Variants in MGAT4C observed in about 807,000 individuals in gnomAD.
MGAT4C encodes MGAT4 family member C.
Under a neutral mutation model 40.1 loss-of-function variants are expected in MGAT4C, and 19 were observed. The ratio of observed to expected loss-of-function variants is 0.47; its 90% confidence interval spans 0.33 to 0.70. The LOEUF is 0.70. Ranked by LOEUF, MGAT4C falls within the 30% of genes least tolerant of loss-of-function variation. The pLI is 0.02. For synonymous variants in MGAT4C, 181 were observed against 187.1 expected (o/e 0.97, Z 0.27); for missense variants, 491 against 563.2 (o/e 0.87, Z 1.30).
chr12:86,755,493 T>A (rs1951287444), intron 1 of MGAT4C, among the ~76,000 whole-genome samples: 1 of 152,136 alleles, frequency 6.6e-6, no homozygotes, highest in African/African-American at 2.4e-5. Context: ...GCACTCTAAT[T>A]TTCTCACCCC....
intron 1 of MGAT4C, among the ~76,000 whole-genome samples, chr12:86,191,705 T>G (rs2135903497): frequency 7.2e-6 from 1 of 138,972 alleles, no homozygotes; most frequent in Admixed American, 7.2e-5. Flanking sequence ...TTCAGCTACT[T>G]ACAGGATAAG....
chr12:86,509,784 G>T (rs895078268), intron 2 of MGAT4C, among the ~76,000 whole-genome samples: 1 of 152,116 alleles, frequency 6.6e-6, no homozygotes, highest in Non-Finnish European at 1.5e-5. Context: ...CACATCCCTT[G>T]TAAGTTGGAT....
At chr12:86,743,115 CAT>C (rs1491396747) in intron 1 of MGAT4C, among the ~76,000 whole-genome samples, 7 of 109,248 alleles carry the variant, frequency 6.4e-5, no homozygotes, top group African/African-American at 2.3e-4. Context: ...TGTGTGTATG[CAT>C]GTGTGTGTGT....
chr12:86,210,711 T>C (rs929334766), intron 1 of MGAT4C, among the ~76,000 whole-genome samples: 13 of 152,242 alleles, frequency 8.5e-5, no homozygotes, highest in Admixed American at 6.5e-4. Flanking sequence ...TTGCATTTAA[T>C]TGGAATTAAT....
chr12:86,770,163 G>A (rs1298843313), intron 1 of MGAT4C, among the ~76,000 whole-genome samples: 6 of 151,732 alleles, frequency 4.0e-5, no homozygotes, highest in East Asian at 3.9e-4. Context: ...TTCATAGAAC[G>A]TTAGTATTCT....
At position 86,058,825 on chromosome 12, in the gene MGAT4C, A is replaced by C. The variant is rs1893652857; in HGVS notation, c.-56-9102T>G. ...TATTTTATTTATCTTTTAGATGTAA[A>C]AATGTCTTGTTTTTTTCAAGACATT... On this transcript the variant is annotated intron_variant, in intron 1 of 4. Transcript: ENST00000611864. Among the ~76,000 whole-genome samples, 4 of 152,276 alleles carry C rather than the reference A, an allele frequency of 2.6e-5. No individual in the cohort carries two copies. In the South Asian group the frequency reaches 8.3e-4, roughly 32 times the overall value.
At chr12:86,490,618 C>T (rs1050149794) in intron 2 of MGAT4C, among the ~76,000 whole-genome samples, 14 of 152,022 alleles carry the variant, frequency 9.2e-5, no homozygotes, top group Non-Finnish European at 2.9e-5. Flanking sequence ...AATTAAAAGA[C>T]ACAGACTGGC....
At chr12:86,208,768 T>TG (rs1950352476) in intron 1 of MGAT4C, among the ~76,000 whole-genome samples, 1 of 152,186 alleles carries the variant, frequency 6.6e-6, no homozygotes. Context: ...AGAGTAAATA[T>TG]CTGGATTCAA....
intron 2 of MGAT4C, among the ~76,000 whole-genome samples, chr12:86,640,435 G>A (rs376543509): frequency 6.6e-6 from 1 of 151,976 alleles, no homozygotes; most frequent in South Asian, 2.1e-4. Context: ...AATTCTGTGG[G>A]ATCGGTGGTG....
intron 2 of MGAT4C, among the ~76,000 whole-genome samples, chr12:86,578,231 C>T (rs1960640988): frequency 6.6e-6 from 1 of 151,714 alleles, no homozygotes; most frequent in South Asian, 2.1e-4. Flanking sequence ...GGCCCTGGAC[C>T]TTGTGCCTCC....
At chr12:86,673,331 A>G (rs984941160) in intron 2 of MGAT4C, among the ~76,000 whole-genome samples, 1 of 152,208 alleles carries the variant, frequency 6.6e-6, no homozygotes, top group African/African-American at 2.4e-5. Context: ...TAGAATATAT[A>G]CTAACACAAA....
intron 2 of MGAT4C, among the ~76,000 whole-genome samples, chr12:86,677,428 C>T (rs932287558): frequency 1.3e-5 from 2 of 152,092 alleles, no homozygotes; most frequent in African/African-American, 4.8e-5. Flanking sequence ...AATGTGCTTG[C>T]TAGATTTACT....
At chr12:86,146,341 C>T (rs1462265520) in intron 1 of MGAT4C, among the ~76,000 whole-genome samples, 1 of 152,122 alleles carries the variant, frequency 6.6e-6, no homozygotes, top group African/African-American at 2.4e-5. Flanking sequence ...TTCACTTCAA[C>T]ACATATTTGT....
At chr12:86,684,793 CTTT>C (rs796487312) in intron 2 of MGAT4C, among the ~76,000 whole-genome samples, 2 of 146,472 alleles carry the variant, frequency 1.4e-5, no homozygotes, top group African/African-American at 5.0e-5. Context: ...TGATGATGAG[CTTT>C]TTTTTTTTCA....
intron 2 of MGAT4C, among the ~76,000 whole-genome samples, chr12:86,588,827 A>T (rs967387956): frequency 6.6e-6 from 1 of 152,060 alleles, no homozygotes; most frequent in African/African-American, 2.4e-5. Flanking sequence ...AAATGAAGGC[A>T]GAAATAAAGA....
At chr12:86,631,252 G>A (rs190223024) in intron 2 of MGAT4C, among the ~76,000 whole-genome samples, 19,695 of 151,738 alleles carry the variant, frequency 0.13, 1,986 homozygotes, top group African/African-American at 0.28. Context: ...ATGAAATAAA[G>A]GAGGACACAA....
chr12:86,834,172 ATAGAT>A (rs1437453095), intron 1 of MGAT4C, among the ~76,000 whole-genome samples: 4 of 2,970 alleles, frequency 1.3e-3, no homozygotes, highest in Non-Finnish European at 2.0e-3. Context: ...ATAGAGATAG[ATAGAT>A]ATAGATATAG....
At chr12:86,086,895 TC>T (rs1469136365) in intron 1 of MGAT4C, among the ~76,000 whole-genome samples, 1 of 152,012 alleles carries the variant, frequency 6.6e-6, no homozygotes, top group African/African-American at 2.4e-5. Context: ...TTCTTTTAGC[TC>T]CCACATATGA....
Position 86,199,001 on chromosome 12 carries a change from C to T in MGAT4C, c.-57+57238G>A, listed in dbSNP as rs1467328482. 3.9e-5 allele frequency among the ~76,000 whole-genome samples: 6 copies of T among 152,238 alleles called. No individual in the cohort carries two copies. In the South Asian group the frequency reaches 8.3e-4, roughly 21 times the overall value. The stretch of plus-strand genomic sequence containing the variant: ...ACAAATGCCATCTATGTGAAAATAA[C>T]ACACTATTAAAGGATTTAATAGCGT... On this transcript the variant is annotated intron_variant, in intron 1 of 4. Transcript: ENST00000611864.
Sources: gnomAD v4.1 joint callset for allele counts (sites outside exome capture counted in the v4.1 genomes callset) on GRCh38, gnomAD v4.1.1 for gene constraint, MANE v1.5 for transcripts, NCBI Gene and HGNC (gene_info 2026-07-23, HGNC 2026-07-21) for gene names.